Variants in LRRC75A observed in about 807,000 individuals in gnomAD.
The protein encoded by LRRC75A is leucine rich repeat containing 75A.
A neutral mutation model predicts 26.0 loss-of-function variants in LRRC75A; 12 were observed. The observed-to-expected ratio is 0.46, with a 90% confidence interval of 0.30 to 0.75. LRRC75A has a LOEUF of 0.75. Among genes scored for constraint, LRRC75A ranks in the 30% least tolerant of loss-of-function variants. LRRC75A has a pLI of 0.08. For synonymous variants in LRRC75A, 223 were observed against 219.3 expected (o/e 1.02, Z -0.15); for missense variants, 410 against 486.6 (o/e 0.84, Z 1.48).
chr17:16,477,858 G>A, intron 1 of LRRC75A, among the ~76,000 whole-genome samples: 1 of 152,080 alleles, frequency 6.6e-6, no homozygotes, highest in Non-Finnish European at 1.5e-5. Context: ...GGGCTGGGAG[G>A]GGCCTATACC....
Position 16,491,588 on chromosome 17 carries a change from G to A in LRRC75A, c.246+157C>T, listed in dbSNP as rs1384035393. On this transcript the variant is annotated intron_variant, in intron 1 of 3. Coordinates refer to ENST00000470794, the MANE Select transcript of LRRC75A (RefSeq NM_001113567.3). The surrounding 1 kb of genome is among the most constrained non-coding windows in gnomAD (Gnocchi z 5.9). ...GCCCCACATTCAGCGGAAGCGCCGA[G>A]GCACCTGCTGCCAGACAGGGCTCCA... is the stretch of plus-strand genomic sequence containing the variant. Among the ~76,000 whole-genome samples the A allele has an allele frequency of 3.3e-5, 5 of 152,174 alleles. No individual in the cohort carries two copies. The highest frequency in any genetic ancestry group is 5.9e-5 in the Non-Finnish European group (4 of 68,022).
At chr17:16,448,281 C>T (rs1372039340) in intron 2 of LRRC75A, 4 of 383,772 alleles carry the variant, frequency 1.0e-5, no homozygotes, top group African/African-American at 8.3e-5. Flanking sequence ...TGATCCCTGC[C>T]ACTCCCCAAT....
rs1340391022 is a variant in LRRC75A, at chr17:16,462,139, A to G, written c.375+119T>C. 3 of 1,302,038 alleles carry G rather than the reference A, an allele frequency of 2.3e-6. No individual in the cohort carries two copies. The Admixed American group carries it at 7.2e-5, about 31-fold the overall frequency. The allele number at this position is 1,302,038 out of a possible 1,614,324, so 80.7% of individuals were successfully genotyped here. A position where few individuals can be genotyped will look rare whatever the true frequency, so the allele number is the denominator to read the frequency against. ...ACCTCAAGCTCTTGGTGCCTGGAGG[A>G]CGGGCTTGTCCTCCTTGGGCCTGTC... On this transcript the variant is annotated intron_variant, in intron 2 of 3. Coordinates refer to ENST00000470794, the MANE Select transcript of LRRC75A (RefSeq NM_001113567.3). This position sits in a 1 kb window ranked among gnomAD's most constrained non-coding sequence, Gnocchi z 4.6.
At position 16,443,750 on chromosome 17, in the gene LRRC75A, C is replaced by T. The variant is rs779248916; in HGVS notation, c.873G>A (p.Lys291=). The change falls in exon 4 of 4, where the codon AAG becomes AAA. Residue 291 remains lysine, a synonymous_variant. Transcript: ENST00000470794. ...CCAGGATGGTGGGTAGGTGGCCCTGCTTTGGGGAGCGCTTGCGCAGGCTGA... is the reference window on the plus strand; with the variant it reads ...CCAGGATGGTGGGTAGGTGGCCCTGTTTTGGGGAGCGCTTGCGCAGGCTGA... ...FLLSLRKRSP[K]QGHLPTILEL... is the part of the protein sequence containing the mutation. The T allele has an allele frequency of 6.2e-7, 1 of 1,613,882 alleles. No individual in the cohort carries two copies. The highest frequency in any genetic ancestry group is 2.2e-5 in the East Asian group (1 of 44,878).
intron 2 of LRRC75A, chr17:16,448,360 T>TCCGA (rs2093603998): frequency 4.1e-6 from 1 of 242,000 alleles, no homozygotes. Context: ...GCCAGGCACT[T>TCCGA]GTTCTAGGAA....
chr17:16,468,440 A>T lies in LRRC75A; in HGVS notation c.247-6054T>A, dbSNP rs550979791. On this transcript the variant is annotated intron_variant, in intron 1 of 3. Transcript: ENST00000470794. ...GAACCTTGAGGACACAGGGACAAAT[A>T]AGTGAAATAAGCCAGACACAAAAGG... Among the ~76,000 whole-genome samples, 3 of 152,342 alleles carry T rather than the reference A, an allele frequency of 2.0e-5. No homozygotes were observed. The East Asian group carries it at 5.8e-4, about 29-fold the overall frequency.
At chr17:16,487,774 C>A (rs181324348) in intron 1 of LRRC75A, among the ~76,000 whole-genome samples, 1 of 152,292 alleles carries the variant, frequency 6.6e-6, no homozygotes, top group East Asian at 1.9e-4. Flanking sequence ...GGTTCCTGTT[C>A]CCAGGTGCAG....
In LRRC75A at chr17:16,447,924, G is replaced by A. The variant is rs1422649408; in HGVS notation, c.412C>T (p.Arg138Trp). 8 of 1,550,942 alleles carry A rather than the reference G, an allele frequency of 5.2e-6. No homozygotes were observed. The highest frequency in any genetic ancestry group is 1.7e-4 in the Middle Eastern group (1 of 5,716). ...GGGCTGAGGTGGTATGTCAGCTGCC[G>A]GCACAGCTTCTCCATGGCGCCCAGT... is the stretch of plus-strand genomic sequence containing the variant. ...DALGAMEKLC[R>W]QLTYHLSPHS... is the part of the protein sequence containing the mutation. The change falls in exon 3 of 4, where the codon CGG (arginine) becomes TGG (tryptophan). Residue 138 changes from arginine (R) to tryptophan (W), a missense_variant. Coordinates refer to ENST00000470794, the MANE Select transcript of LRRC75A (RefSeq NM_001113567.3).
intron 1 of LRRC75A, among the ~76,000 whole-genome samples, chr17:16,464,252 G>A (rs955962776): frequency 2.0e-5 from 3 of 152,212 alleles, no homozygotes; most frequent in Non-Finnish European, 2.9e-5. Context: ...AGGACCTGGG[G>A]GCTCAAGGTC....
intron 1 of LRRC75A, among the ~76,000 whole-genome samples, chr17:16,485,820 C>A (rs2093845983): frequency 1.3e-5 from 2 of 152,094 alleles, no homozygotes; most frequent in African/African-American, 4.8e-5. Flanking sequence ...GCTGACCCCA[C>A]CCCCTCTGCA....
intron 2 of LRRC75A, among the ~76,000 whole-genome samples, chr17:16,453,346 ACG>A (rs900534826): frequency 2.1e-5 from 3 of 141,578 alleles, no homozygotes; most frequent in Non-Finnish European, 3.2e-5. Flanking sequence ...ACACACGCAC[ACG>A]CACACACACA....
At chr17:16,487,167 G>C (rs1379037318) in intron 1 of LRRC75A, among the ~76,000 whole-genome samples, 1 of 152,316 alleles carries the variant, frequency 6.6e-6, no homozygotes, top group East Asian at 1.9e-4. Context: ...TGCCCAGGAA[G>C]GTGGCCCTGG....
intron 1 of LRRC75A, among the ~76,000 whole-genome samples, chr17:16,486,522 G>A (rs1411181692): frequency 2.6e-5 from 4 of 152,182 alleles, no homozygotes; most frequent in African/African-American, 4.8e-5. Context: ...GGCAGAGAGC[G>A]GCGGATTTTA....
intron 2 of LRRC75A, among the ~76,000 whole-genome samples, chr17:16,456,583 T>C (rs1054410357): frequency 6.6e-6 from 1 of 152,046 alleles, no homozygotes; most frequent in African/African-American, 2.4e-5. Context: ...CTGGGAGCCA[T>C]AGCTAGCCAC....
chr17:16,471,410 C>A (rs1391466416), intron 1 of LRRC75A, among the ~76,000 whole-genome samples: 1 of 152,188 alleles, frequency 6.6e-6, no homozygotes, highest in East Asian at 1.9e-4. Context: ...AATGAATGCA[C>A]CAGATTGGAT....
intron 2 of LRRC75A, among the ~76,000 whole-genome samples, chr17:16,458,298 C>T (rs1396657590): frequency 1.9e-4 from 29 of 151,992 alleles, no homozygotes; most frequent in Non-Finnish European, 3.7e-4. Flanking sequence ...TACAGCGAGA[C>T]TCTGTCAAAA....
At chr17:16,450,528 GTCACTCCTGTGTGTCACTCTTGTGT>G (rs1568952422) in intron 2 of LRRC75A, among the ~76,000 whole-genome samples, 4 of 152,364 alleles carry the variant, frequency 2.6e-5, no homozygotes, top group South Asian at 4.1e-4. Context: ...TGTTACACCT[GTCACTCCTGTGTGTCACTCTTGTGT>G]GTTGCAGATG....
chr17:16,488,857 G>C (rs2143455934), intron 1 of LRRC75A, among the ~76,000 whole-genome samples: 1 of 152,242 alleles, frequency 6.6e-6, no homozygotes, highest in African/African-American at 2.4e-5. Context: ...GCTGAAGAGG[G>C]GCATTCAGAA....
At chr17:16,457,746 G>T (rs1441106562) in intron 2 of LRRC75A, among the ~76,000 whole-genome samples, 1 of 151,872 alleles carries the variant, frequency 6.6e-6, no homozygotes, top group East Asian at 1.9e-4. Context: ...GAGGGGGATT[G>T]CTTGAGGCCA....
Sources: gnomAD v4.1 joint callset for allele counts (sites outside exome capture counted in the v4.1 genomes callset) on GRCh38, gnomAD v4.1.1 for gene constraint, Gnocchi (gnomAD v3.1) non-coding constraint, MANE v1.5 for transcripts, NCBI Gene and HGNC (gene_info 2026-07-23, HGNC 2026-07-21) for gene names.